Variants in SEZ6L observed in about 807,000 individuals in gnomAD.
SEZ6L encodes the protein seizure 6-like protein.
Under a neutral mutation model 106.2 loss-of-function variants are expected in SEZ6L, and 37 were observed. The ratio of observed to expected loss-of-function variants is 0.35; its 90% confidence interval spans 0.27 to 0.46. The LOEUF (loss-of-function observed/expected upper bound fraction) is 0.46. Among genes scored for constraint, SEZ6L ranks in the 20% least tolerant of loss-of-function variants. SEZ6L has a pLI of 1.00. For missense variants in SEZ6L, 1,172 were observed against 1,332.8 expected, an observed-to-expected ratio of 0.88 and a Z score of 1.88; for synonymous variants, 541 against 570.4, an observed-to-expected ratio of 0.95 and a Z score of 0.73.
chr22:26,186,956 C>T (rs78214017), intron 1 of SEZ6L, among the ~76,000 whole-genome samples: 1 of 152,254 alleles, frequency 6.6e-6, no homozygotes, highest in Non-Finnish European at 1.5e-5. Flanking sequence ...AAAGAGGAAT[C>T]ATTTAGGAGG....
intron 1 of SEZ6L, among the ~76,000 whole-genome samples, chr22:26,202,322 T>C (rs1259351679): frequency 6.6e-6 from 1 of 152,214 alleles, no homozygotes; most frequent in Non-Finnish European, 1.5e-5. Context: ...TATTGCTAGA[T>C]GATCCCATAG....
At chr22:26,365,030 A>C in intron 12 of SEZ6L, 1 of 182,368 alleles carries the variant, frequency 5.5e-6, no homozygotes, top group Non-Finnish European at 1.2e-5. Context: ...CCAAATTCCT[A>C]GGAGATAGAT....
intron 15 of SEZ6L, among the ~76,000 whole-genome samples, chr22:26,376,510 C>T (rs6005035): frequency 6.6e-6 from 1 of 151,284 alleles, no homozygotes. Context: ...GGGAGGCCAA[C>T]GCAGGTGAAT....
In SEZ6L at chr22:26,377,752, G is replaced by A. The variant is rs1297907702; in HGVS notation, c.3022G>A (p.Asp1008Asn). ...YSQITVETEF[D>N]NPIYETGETR... is the part of the protein sequence containing the mutation. ...CCAGATCACCGTGGAAACCGAGTTTGACAACCCCATTTACGAGACAGGGGT... is the reference window on the plus strand; with the variant it reads ...CCAGATCACCGTGGAAACCGAGTTTAACAACCCCATTTACGAGACAGGGGT... Residue 1008 changes from aspartate to asparagine, a missense_variant, in exon 16 of 17, where the codon GAC becomes AAC. Physicochemically the swap from Asp to Asn is conservative, Grantham distance 23. Transcript: ENST00000248933. 6.2e-7 allele frequency: 1 copy of A among 1,613,536 alleles called. No homozygotes were observed. Among genetic ancestry groups the A allele is most frequent in the South Asian group, 1.1e-5 (1 of 91,054 alleles).
At chr22:26,340,804 G>A (rs956771037) in intron 10 of SEZ6L, among the ~76,000 whole-genome samples, 172 bp downstream of exon 10, 1 of 152,166 alleles carries the variant, frequency 6.6e-6, no homozygotes, top group Non-Finnish European at 1.5e-5. Context: ...GAGGACCAGG[G>A]TTTGAGCCCT....
At chr22:26,356,125 G>T (rs895255002) in intron 12 of SEZ6L, among the ~76,000 whole-genome samples, 1 of 152,180 alleles carries the variant, frequency 6.6e-6, no homozygotes, top group African/African-American at 2.4e-5. Flanking sequence ...TAGGACAGAG[G>T]TTCCCAAACT....
At chr22:26,318,009 G>T (rs886188994) in intron 9 of SEZ6L, among the ~76,000 whole-genome samples, 4 of 152,058 alleles carry the variant, frequency 2.6e-5, no homozygotes, top group African/African-American at 7.2e-5. Flanking sequence ...GGTCTGCGAT[G>T]AATTAGGAAG....
At chr22:26,328,788 T>C (rs1038450866) in intron 9 of SEZ6L, among the ~76,000 whole-genome samples, 2 of 151,526 alleles carry the variant, frequency 1.3e-5, no homozygotes, top group African/African-American at 4.9e-5. Flanking sequence ...GAGGAGGAGA[T>C]GGAGAAAAGG....
At chr22:26,325,802 A>T (rs1214400609) in intron 9 of SEZ6L, among the ~76,000 whole-genome samples, 1 of 152,134 alleles carries the variant, frequency 6.6e-6, no homozygotes, top group Non-Finnish European at 1.5e-5. Flanking sequence ...GTGCAGAAGC[A>T]CTTGGCAAGG....
At chr22:26,277,982 C>G (rs1303839237) in intron 1 of SEZ6L, among the ~76,000 whole-genome samples, 1 of 152,186 alleles carries the variant, frequency 6.6e-6, no homozygotes, top group Non-Finnish European at 1.5e-5. Flanking sequence ...TGCTGGGTAT[C>G]TTAGAAGAGA....
At chr22:26,313,492 G>C (rs570104866) in intron 8 of SEZ6L, among the ~76,000 whole-genome samples, 1 of 152,094 alleles carries the variant, frequency 6.6e-6, no homozygotes, top group South Asian at 2.1e-4. Flanking sequence ...GGTCTTGAAA[G>C]AGCAATAGCA....
chr22:26,295,344 C>T (rs958474334), intron 3 of SEZ6L, among the ~76,000 whole-genome samples: 1 of 152,188 alleles, frequency 6.6e-6, no homozygotes, highest in South Asian at 2.1e-4. Context: ...ATGCTAATCA[C>T]CCTGAATGTG....
At position 26,377,332 on chromosome 22, in the gene SEZ6L, A is replaced by G. The variant is rs115331387; in HGVS notation, c.2943-341A>G. Among the ~76,000 whole-genome samples the G allele has an allele frequency of 2.3e-3, 349 of 152,238 alleles. 1 individual carries two copies. Among genetic ancestry groups the G allele is most frequent in the African/African-American group, 7.9e-3 (327 of 41,532 alleles). ...GATCTAAGGCAATATGGCATACAGT[A>G]GGTGCTCAATAAATGCTCATCCTTG... is the stretch of plus-strand genomic sequence containing the variant. On this transcript the variant is annotated intron_variant, in intron 15 of 16. Coordinates refer to ENST00000248933, the MANE Select transcript of SEZ6L (RefSeq NM_021115.5).
intron 1 of SEZ6L, among the ~76,000 whole-genome samples, chr22:26,258,716 G>A (rs5761456): frequency 0.13 from 19,109 of 152,204 alleles, 1,604 homozygotes; most frequent in East Asian, 0.35. Flanking sequence ...AGAAAATGAT[G>A]CATAATTCTC....
chr22:26,300,611 A>G (rs559933683), intron 5 of SEZ6L, among the ~76,000 whole-genome samples: 1 of 152,316 alleles, frequency 6.6e-6, no homozygotes, highest in East Asian at 1.9e-4. Flanking sequence ...GCTGCAGTAA[A>G]CATACGTGTG....
At chr22:26,179,822 C>A (rs1022997839) in intron 1 of SEZ6L, among the ~76,000 whole-genome samples, 1 of 152,190 alleles carries the variant, frequency 6.6e-6, no homozygotes. Flanking sequence ...CTCTCATCAC[C>A]TCCACTTACC....
intron 9 of SEZ6L, among the ~76,000 whole-genome samples, chr22:26,339,408 T>C (rs2082752193): frequency 6.6e-6 from 1 of 152,230 alleles, no homozygotes; most frequent in Non-Finnish European, 1.5e-5. Context: ...TGGCATTCTT[T>C]CAATTAGAGA....
chr22:26,181,358 G>GTT (rs2123777214), intron 1 of SEZ6L, among the ~76,000 whole-genome samples: 1 of 152,274 alleles, frequency 6.6e-6, no homozygotes, highest in East Asian at 1.9e-4. Flanking sequence ...TTTAAAGCAG[G>GTT]TTTAACAGAG....
At chr22:26,231,271 G>A (rs916950600) in intron 1 of SEZ6L, among the ~76,000 whole-genome samples, 2 of 152,172 alleles carry the variant, frequency 1.3e-5, no homozygotes, top group African/African-American at 4.8e-5. Flanking sequence ...GAGTTGTCTG[G>A]TCATTGCCAT....
Sources: allele counts gnomAD v4.1 joint callset (sites outside exome capture counted in the v4.1 genomes callset), GRCh38; gene constraint gnomAD v4.1.1; transcripts MANE v1.5; gene names NCBI Gene and HGNC (gene_info 2026-07-23, HGNC 2026-07-21).